OSBPL6: variants seen among roughly 807,000 people sequenced by gnomAD.
OSBPL6 encodes oxysterol binding protein like 6.
Under a neutral mutation model 125.8 loss-of-function variants are expected in OSBPL6, and 49 were observed. The observed-to-expected ratio is 0.39, with a 90% CI of 0.31 to 0.49. OSBPL6 has a LOEUF of 0.49. Ranked by LOEUF, OSBPL6 falls within the 20% of genes least tolerant of loss-of-function variation. The pLI, the probability that OSBPL6 is intolerant of heterozygous loss-of-function variation, is 0.88. For synonymous variants in OSBPL6, 394 were observed against 391.8 expected (o/e 1.01, Z -0.07); for missense variants, 986 against 1,135.4 (o/e 0.87, Z 1.89).
chr2:178,336,950 A>G (rs1183543090), intron 9 of OSBPL6, among the ~76,000 whole-genome samples: 1 of 152,186 alleles, frequency 6.6e-6, no homozygotes, highest in Non-Finnish European at 1.5e-5. Flanking sequence ...TGCATCTTAT[A>G]TCCACAGTTA....
At chr2:178,373,769 T>C (rs1693622347) in intron 14 of OSBPL6, 121 bp from the exon 15 acceptor site, 6 of 1,214,486 alleles carry the variant, frequency 4.9e-6, no homozygotes, top group Non-Finnish European at 6.8e-6. Context: ...CAAGTGAAAA[T>C]TGCTTGTGGC....
chr2:178,227,729 C>G (rs2090621893), intron 1 of OSBPL6, among the ~76,000 whole-genome samples: 1 of 152,010 alleles, frequency 6.6e-6, no homozygotes, highest in Non-Finnish European at 1.5e-5. Flanking sequence ...AGTTTAAGAG[C>G]AACTAAAATT....
Position 178,213,142 on chromosome 2 carries a change from C to T in OSBPL6, c.-351+18468C>T, listed in dbSNP as rs549571098. On this transcript the variant is annotated intron_variant, in intron 1 of 24. Transcript: ENST00000190611. ...CCTCTTGATTGCTCCTCTTTAGATACTTTTGGAAGCTCTTCTTCCACCCAC... is the reference window on the plus strand; with the variant it reads ...CCTCTTGATTGCTCCTCTTTAGATATTTTTGGAAGCTCTTCTTCCACCCAC... 6.6e-5 allele frequency among the ~76,000 whole-genome samples: 10 copies of T among 152,184 alleles called. No individual in the cohort carries two copies. The East Asian group carries it at 1.4e-3, about 21-fold the overall frequency.
intron 12 of OSBPL6, among the ~76,000 whole-genome samples, chr2:178,351,180 G>C (rs1691219852): frequency 6.6e-6 from 1 of 152,056 alleles, no homozygotes; most frequent in South Asian, 2.1e-4. Context: ...CTAAGATCTG[G>C]TACAAGGCAA....
chr2:178,201,282 A>G (rs2089246703), intron 1 of OSBPL6, among the ~76,000 whole-genome samples: 1 of 152,216 alleles, frequency 6.6e-6, no homozygotes, highest in Non-Finnish European at 1.5e-5. Context: ...AGCAACTCAA[A>G]GTGACAACTT....
chr2:178,195,321 C>G lies in OSBPL6; in HGVS notation c.-351+647C>G, dbSNP rs988589. 7.5e-3 allele frequency among the ~76,000 whole-genome samples: 1,137 copies of G among 152,348 alleles called. 16 individuals are homozygous for G. Among genetic ancestry groups the G allele is most frequent in the African/African-American group, 0.025 (1,058 of 41,590 alleles). On this transcript the variant is annotated intron_variant, in intron 1 of 24. Transcript: ENST00000190611. Reference sequence around the variant, plus strand: ...TCCACTCCCCCGGCCAGGGCCAAGTCTGCCTTCCCTGGTTCAGACCGGGAC... The same window carrying G: ...TCCACTCCCCCGGCCAGGGCCAAGTGTGCCTTCCCTGGTTCAGACCGGGAC...
intron 23 of OSBPL6, among the ~76,000 whole-genome samples, chr2:178,393,393 A>AT (rs1164891814): frequency 6.6e-6 from 1 of 152,196 alleles, no homozygotes; most frequent in African/African-American, 2.4e-5. Flanking sequence ...CTCTGAACTC[A>AT]TGATGTCCAT....
At chr2:178,389,377 AC>A (rs1161454952) in intron 21 of OSBPL6, among the ~76,000 whole-genome samples, 1 of 151,804 alleles carries the variant, frequency 6.6e-6, no homozygotes, top group Non-Finnish European at 1.5e-5. Context: ...CAGAAAAAAA[AC>A]ACATGTCTTT....
intron 13 of OSBPL6, among the ~76,000 whole-genome samples, chr2:178,369,277 TA>T (rs1693152902): frequency 6.6e-6 from 1 of 152,194 alleles, no homozygotes; most frequent in Admixed American, 6.5e-5. Context: ...GCATAGAATG[TA>T]AAAATACCTT....
intron 2 of OSBPL6, among the ~76,000 whole-genome samples, chr2:178,298,444 A>T (rs114440883): frequency 6.6e-6 from 1 of 152,156 alleles, no homozygotes; most frequent in Non-Finnish European, 1.5e-5. Context: ...TTTGTTTGAG[A>T]TGGAGTTTTG....
chr2:178,247,293 T>C (rs1005408291), intron 1 of OSBPL6, among the ~76,000 whole-genome samples: 1 of 152,212 alleles, frequency 6.6e-6, no homozygotes, highest in Non-Finnish European at 1.5e-5. Context: ...TTAATTTTTG[T>C]ATTTCTGATT....
Position 178,243,345 on chromosome 2 carries a change from A to G in OSBPL6, c.-350-41582A>G, listed in dbSNP as rs139104521. 2.0e-3 allele frequency among the ~76,000 whole-genome samples: 305 copies of G among 152,024 alleles called. 3 individuals are homozygous for G. Among genetic ancestry groups the G allele is most frequent in the Non-Finnish European group, 3.4e-3 (228 of 68,022 alleles). On this transcript the variant is annotated intron_variant, in intron 1 of 24. Coordinates refer to ENST00000190611, the MANE Select transcript of OSBPL6 (RefSeq NM_032523.4). ...CTTAATCCTACCACGTACCTGAGGA[A>G]GTCTCAAAGGCATCTTTAACTTCTG... is the stretch of plus-strand genomic sequence containing the variant.
chr2:178,260,740 G>A (rs2092030516), intron 1 of OSBPL6, among the ~76,000 whole-genome samples: 1 of 152,100 alleles, frequency 6.6e-6, no homozygotes, highest in South Asian at 2.1e-4. Context: ...ACTCAAACTC[G>A]CTAATATGTA....
At position 178,401,128 on chromosome 2, in the gene OSBPL6, GAAACCCTGGGAAGT is replaced by G. The variant is rs1696092426; in HGVS notation, c.*5570_*5583del. 1 of 152,220 alleles carries G rather than the reference GAAACCCTGGGAAGT, an allele frequency of 6.6e-6. No individual in the cohort carries two copies. Among genetic ancestry groups the G allele is most frequent in the African/African-American group, 2.4e-5 (1 of 41,444 alleles). The allele number at this position is 152,220 out of a possible 1,614,324, so 9.4% of individuals were successfully genotyped here. The stretch of plus-strand genomic sequence containing the variant: ...AACACCACTTGGTGGTGGCGCTGAG[GAAACCCTGGGAAGT>G]GTTTTTCTCTTCTGTGTAATGAAAG... On this transcript the variant is annotated 3_prime_UTR_variant, in exon 25 of 25. Coordinates refer to ENST00000190611, the MANE Select transcript of OSBPL6 (RefSeq NM_032523.4).
At chr2:178,382,304 C>T in intron 15 of OSBPL6, 116 bp from the exon 16 acceptor site, 2 of 1,297,024 alleles carry the variant, frequency 1.5e-6, no homozygotes, top group Non-Finnish European at 2.1e-6. Flanking sequence ...ATACTTTTCC[C>T]TCTAGGACCT....
At chr2:178,263,024 G>A (rs985217088) in intron 1 of OSBPL6, among the ~76,000 whole-genome samples, 4 of 152,142 alleles carry the variant, frequency 2.6e-5, no homozygotes, top group South Asian at 2.1e-4. Context: ...TCAGTCTTTC[G>A]ATGCTATAGT....
At chr2:178,245,848 C>G (rs2091468261) in intron 1 of OSBPL6, among the ~76,000 whole-genome samples, 1 of 152,178 alleles carries the variant, frequency 6.6e-6, no homozygotes, top group Non-Finnish European at 1.5e-5. Context: ...AGAGCCATGT[C>G]TTAGACTCTA....
chr2:178,377,143 G>T (rs1693948856), intron 15 of OSBPL6, among the ~76,000 whole-genome samples: 1 of 152,168 alleles, frequency 6.6e-6, no homozygotes, highest in South Asian at 2.1e-4. Context: ...AATTTATAAA[G>T]GAAACAGGTT....
chr2:178,354,003 G>A lies in OSBPL6; in HGVS notation c.1153+4614G>A, dbSNP rs1691536138. ...CAGCCAAACTAAGCTTCATAAGAAA[G>A]AGAAATAAAATCCTTTACAGACAAG... On this transcript the variant is annotated intron_variant, in intron 12 of 24. Transcript: ENST00000190611. Among the ~76,000 whole-genome samples the A allele has an allele frequency of 2.0e-5, 3 of 152,252 alleles. No homozygotes were observed. The East Asian group carries it at 5.8e-4, about 29-fold the overall frequency.
Sources: gnomAD v4.1 joint callset for allele counts (sites outside exome capture counted in the v4.1 genomes callset) on GRCh38, gnomAD v4.1.1 for gene constraint, MANE v1.5 for transcripts, NCBI Gene and HGNC (gene_info 2026-07-23, HGNC 2026-07-21) for gene names.